The following ECPAS variants were observed in gnomAD, a reference collection of about 807,000 sequenced individuals.
ECPAS encodes Ecm29 proteasome adaptor and scaffold.
In ECPAS, 70 loss-of-function variants were observed where a neutral mutation model predicts 255.1. The observed-to-expected ratio is 0.27, with a 90% CI of 0.23 to 0.33. The LOEUF (loss-of-function observed/expected upper bound fraction) is 0.33, where lower values mean the gene tolerates loss of function less well. Among genes scored for constraint, ECPAS ranks in the 10% least tolerant of loss-of-function variants. The pLI is 1.00. For synonymous variants in ECPAS, 784 were observed against 775.0 expected, an observed-to-expected ratio of 1.01 and a Z score of -0.19; for missense variants, 1,817 against 2,206.4, an observed-to-expected ratio of 0.82 and a Z score of 3.54.
At chr9:111,404,175 A>C (rs2098180438) in intron 24 of ECPAS, among the ~76,000 whole-genome samples, 1 of 149,804 alleles carries the variant, frequency 6.7e-6, no homozygotes, top group Non-Finnish European at 1.5e-5. Context: ...AAGACTTCAA[A>C]TAAACAACAT....
chr9:111,398,101 C>CA (rs1277362404), intron 24 of ECPAS, among the ~76,000 whole-genome samples: 1 of 152,178 alleles, frequency 6.6e-6, no homozygotes, highest in African/African-American at 2.4e-5. Context: ...GGGCTATAAA[C>CA]ACGCTACTCT....
intron 2 of ECPAS, among the ~76,000 whole-genome samples, chr9:111,452,489 G>A (rs1370265870): frequency 6.6e-6 from 1 of 152,194 alleles, no homozygotes; most frequent in Admixed American, 6.5e-5. Flanking sequence ...ATTTGCAGGC[G>A]AAATAACAGC....
At chr9:111,381,524 G>A (rs1479361302) in intron 35 of ECPAS, among the ~76,000 whole-genome samples, 1 of 152,160 alleles carries the variant, frequency 6.6e-6, no homozygotes, top group Non-Finnish European at 1.5e-5. Flanking sequence ...ACAGATTTGT[G>A]GCAACCCTGC....
intron 35 of ECPAS, among the ~76,000 whole-genome samples, 178 bp from the exon 36 acceptor site, chr9:111,378,908 T>C (rs772333634): frequency 4.6e-5 from 7 of 152,204 alleles, no homozygotes; most frequent in Non-Finnish European, 7.3e-5. Flanking sequence ...GAAGCATATA[T>C]AGAGGTAGGT....
chr9:111,409,325 G>C (rs1282055875), intron 23 of ECPAS, among the ~76,000 whole-genome samples: 1 of 152,110 alleles, frequency 6.6e-6, no homozygotes, highest in Admixed American at 6.5e-5. Flanking sequence ...TTCGGAAGCC[G>C]AGGCAGGCAG....
chr9:111,389,819 C>G (rs1179562542), intron 30 of ECPAS, 96 bp from the exon 31 acceptor site: 18 of 1,312,920 alleles, frequency 1.4e-5, no homozygotes, highest in Non-Finnish European at 1.9e-5. Flanking sequence ...CTAAATACAG[C>G]CTGATTTATT....
At chr9:111,483,285 A>C (rs976894770) in intron 1 of ECPAS, among the ~76,000 whole-genome samples, 4 of 151,754 alleles carry the variant, frequency 2.6e-5, no homozygotes, top group Non-Finnish European at 4.4e-5. Context: ...TCCGGTTTCA[A>C]TTTCGCAACG....
rs2098157007 is a variant in ECPAS at position 111,390,032 on chromosome 9, A to G, written c.3231T>C (p.Tyr1077=). The G allele has an allele frequency of 3.1e-6, 5 of 1,601,614 alleles. No individual in the cohort carries two copies. The highest frequency in any genetic ancestry group is 3.4e-6 in the Non-Finnish European group (4 of 1,170,642). ...GATGGTTGGCTAAATTCATAAATTT[A>G]TACACCAGATCTGGCTGGCTAAGAT... ...ASDLSQPDLV[Y]KFMNLANHHA... Residue 1077 remains tyrosine (Y), a synonymous_variant, in exon 30 of 50, where the codon TAT becomes TAC. Coordinates refer to ENST00000684092, the MANE Select transcript of ECPAS (RefSeq NM_001364929.1).
At position 111,391,724 on chromosome 9, in the gene ECPAS, T is replaced by C. The variant is rs778316412; in HGVS notation, c.3161+32A>G. 38 of 1,338,614 alleles carry C rather than the reference T, an allele frequency of 2.8e-5. No homozygotes were observed. The Admixed American group carries it at 5.4e-4, about 19-fold the overall frequency. The allele number at this position is 1,338,614 out of a possible 1,614,324, so 82.9% of individuals were successfully genotyped here. On this transcript the variant is annotated intron_variant, in intron 29 of 49. Coordinates refer to ENST00000684092, the MANE Select transcript of ECPAS (RefSeq NM_001364929.1). ...ATAAATGCATATATATATTTAAAGA[T>C]GTTTACCATTCAATGGATTTAGCAT...
intron 2 of ECPAS, among the ~76,000 whole-genome samples, chr9:111,470,274 T>C (rs1172051769): frequency 1.3e-5 from 2 of 151,574 alleles, no homozygotes; most frequent in East Asian, 1.9e-4. Flanking sequence ...CAGGCTAGGC[T>C]CTTTAAACAG....
At position 111,370,364 on chromosome 9, in the gene ECPAS, T is replaced by C. The variant is rs577663823; in HGVS notation, c.4974+71A>G. ...TAAACTAATCCTAATAATCAGGACA[T>C]AGGGGAAAACAATTTTTTAACTTTT... On this transcript the variant is annotated intron_variant, in intron 45 of 49. Coordinates refer to ENST00000684092, the MANE Select transcript of ECPAS (RefSeq NM_001364929.1). 2.9e-5 allele frequency: 30 copies of C among 1,017,842 alleles called. No individual in the cohort carries two copies. The African/African-American group carries it at 4.2e-4, about 14-fold the overall frequency. 63.1% of individuals were successfully genotyped at this position (1,017,842 alleles called of 1,614,324 possible). A position where few individuals can be genotyped will look rare whatever the true frequency, so the allele number is the denominator to read the frequency against.
At chr9:111,436,897 T>C (rs376452970) in intron 7 of ECPAS, 43 bp downstream of exon 7, 1 of 1,493,914 alleles carries the variant, frequency 6.7e-7, no homozygotes, top group Non-Finnish European at 9.0e-7. Flanking sequence ...TAGGGGAAAG[T>C]GTCCACAATC....
In ECPAS at chr9:111,408,554, G is replaced by C. The variant is rs186020644; in HGVS notation, c.2652+17C>G. 1.4e-6 allele frequency: 2 copies of C among 1,404,784 alleles called. No individual in the cohort carries two copies. Among genetic ancestry groups the C allele is most frequent in the South Asian group, 3.0e-5 (2 of 67,680 alleles). The allele number at this position is 1,404,784 out of a possible 1,614,324, so 87.0% of individuals were successfully genotyped here. On this transcript the variant is annotated intron_variant, in intron 24 of 49. Transcript: ENST00000684092. ...CTTTTCTCTGAATAACTAACAATCA[G>C]GTAGCAATATAAATACCTCCACAGA...
chr9:111,406,948 G>A (rs530800895), intron 24 of ECPAS, among the ~76,000 whole-genome samples: 20 of 149,200 alleles, frequency 1.3e-4, no homozygotes, highest in Non-Finnish European at 2.7e-4. Context: ...TGTCCTATTC[G>A]ACTGTGAAGA....
At chr9:111,434,995 T>C (rs1382874641) in intron 7 of ECPAS, among the ~76,000 whole-genome samples, 8 of 148,536 alleles carry the variant, frequency 5.4e-5, no homozygotes, top group African/African-American at 7.5e-5. Flanking sequence ...ACCTCCTGGG[T>C]TCAAGTGATT....
chr9:111,367,364 C>T (rs1391796456), intron 46 of ECPAS, among the ~76,000 whole-genome samples: 2 of 152,070 alleles, frequency 1.3e-5, no homozygotes, highest in African/African-American at 4.8e-5. Context: ...ATATGAGAAG[C>T]CAATGTGTAA....
At chr9:111,380,685 C>A (rs137969459) in intron 35 of ECPAS, among the ~76,000 whole-genome samples, 297 of 152,364 alleles carry the variant, frequency 1.9e-3, no homozygotes, top group African/African-American at 6.5e-3. Flanking sequence ...CATTGAAAAT[C>A]TGTTGTTGAG....
At chr9:111,421,832 T>C (rs745526008) in intron 15 of ECPAS, 89 bp downstream of exon 15, 2 of 1,449,904 alleles carry the variant, frequency 1.4e-6, no homozygotes, top group Non-Finnish European at 9.3e-7. Flanking sequence ...CAAATACTCC[T>C]CTTATCAAAA....
At chr9:111,370,276 A>G (rs1358513971) in intron 45 of ECPAS, among the ~76,000 whole-genome samples, 159 bp downstream of exon 45, 2 of 152,272 alleles carry the variant, frequency 1.3e-5, no homozygotes, top group Admixed American at 1.3e-4. Context: ...ACGCTTTGTG[A>G]GAAACATAGC....
Sources: allele counts gnomAD v4.1 joint callset (sites outside exome capture counted in the v4.1 genomes callset), GRCh38; gene constraint gnomAD v4.1.1; transcripts MANE v1.5; gene names NCBI Gene and HGNC (gene_info 2026-07-23, HGNC 2026-07-21).